The following SPRED2 variants were observed in gnomAD, a reference collection of about 807,000 sequenced individuals.
The protein encoded by SPRED2 is sprouty-related, EVH1 domain-containing protein 2.
A neutral mutation model predicts 43.0 loss-of-function variants in SPRED2; 47 were observed. The observed-to-expected ratio is 1.09, with a 90% confidence interval of 0.87 to 1.40. The LOEUF (loss-of-function observed/expected upper bound fraction) is 1.40. SPRED2 is among the 40% of genes most tolerant of loss of function. The pLI, the probability that SPRED2 is intolerant of heterozygous loss-of-function variation, is 0.00. For missense variants in SPRED2, 561 were observed against 586.4 expected (o/e 0.96, Z 0.45); for synonymous variants, 225 against 225.7 (o/e 1.00, Z 0.03).
rs1215797916 is a variant in SPRED2, at chr2:65,333,139, G to A, written c.374-1088C>T. 4.0e-5 allele frequency among the ~76,000 whole-genome samples: 6 copies of A among 151,740 alleles called. No homozygotes were observed. The South Asian group carries it at 1.2e-3, about 32-fold the overall frequency. On this transcript the variant is annotated intron_variant, in intron 3 of 5. Transcript: ENST00000356388. ...AAATTAGCTGGGTGTGATGGCGGGC[G>A]CCTGTAATCCTAGCTACTGGGGAGG...
intron 1 of SPRED2, among the ~76,000 whole-genome samples, chr2:65,431,216 TACAC>T (rs141740222): frequency 6.7e-6 from 1 of 150,150 alleles, no homozygotes. Context: ...GACACTCACA[TACAC>T]ACACACACAC....
At chr2:65,315,290 C>T (rs1017219034) in intron 5 of SPRED2, among the ~76,000 whole-genome samples, 1 of 152,020 alleles carries the variant, frequency 6.6e-6, no homozygotes, top group Non-Finnish European at 1.5e-5. Flanking sequence ...CCATTTCTGT[C>T]GAACTGCATA....
intron 4 of SPRED2, among the ~76,000 whole-genome samples, chr2:65,329,619 G>A (rs1673748284): frequency 6.6e-6 from 1 of 152,140 alleles, no homozygotes; most frequent in African/African-American, 2.4e-5. Flanking sequence ...AACCAGGAGG[G>A]ATTCTGGCTT....
At chr2:65,320,121 G>A (rs1483760941) in intron 4 of SPRED2, among the ~76,000 whole-genome samples, 1 of 152,190 alleles carries the variant, frequency 6.6e-6, no homozygotes, top group Non-Finnish European at 1.5e-5. Flanking sequence ...TCTCAAATGA[G>A]TAATCAGGGC....
intron 5 of SPRED2, among the ~76,000 whole-genome samples, 165 bp downstream of exon 5, chr2:65,316,569 G>A (rs540059999): frequency 3.3e-4 from 51 of 152,320 alleles, no homozygotes; most frequent in African/African-American, 1.2e-3. Context: ...ACTGGATGAG[G>A]CTGAGGTGCC....
At chr2:65,422,077 A>AACACACACAC (rs367817858) in intron 1 of SPRED2, among the ~76,000 whole-genome samples, 1,972 of 127,440 alleles carry the variant, frequency 0.015, 29 homozygotes, top group Admixed American at 0.048. Context: ...TTGTATGTAC[A>AACACACACAC]ACACACACAC....
intron 3 of SPRED2, 147 bp from the exon 4 acceptor site, chr2:65,332,198 C>G: frequency 1.9e-6 from 1 of 516,184 alleles, no homozygotes; most frequent in Non-Finnish European, 3.5e-6. Context: ...GAATTGAGTG[C>G]TTTTAATTTA....
intron 4 of SPRED2, among the ~76,000 whole-genome samples, chr2:65,326,446 C>T (rs984676944): frequency 2.6e-4 from 39 of 152,294 alleles, no homozygotes; most frequent in Middle Eastern, 3.4e-3. Context: ...TGAGGGCCTA[C>T]GTTGGTTCCA....
intron 1 of SPRED2, among the ~76,000 whole-genome samples, chr2:65,365,017 T>A (rs560468233): frequency 6.6e-6 from 1 of 152,188 alleles, no homozygotes; most frequent in Non-Finnish European, 1.5e-5. Context: ...CTTAAAAAAA[T>A]GTTGTTAATA....
At chr2:65,371,089 G>A (rs528723148) in intron 1 of SPRED2, among the ~76,000 whole-genome samples, 12 of 152,210 alleles carry the variant, frequency 7.9e-5, no homozygotes, top group Admixed American at 7.2e-4. Flanking sequence ...GTCGCTGCCC[G>A]TAAGAGCTCA....
At position 65,313,621 on chromosome 2, in the gene SPRED2, CATCCACCG is replaced by C; in HGVS notation, c.1129_1136del (p.Arg377GlyfsTer97). On this transcript the variant is annotated frameshift_variant, in exon 6 of 6. Transcript: ENST00000356388. LOFTEE classifies it high-confidence loss of function. Reference sequence around the variant, plus strand: ...CCAGGAAAGACAAGGCAATAAGAGCCATCCACCGGAGGCAAAACTTCTCGTCGCTAGTA... The same window carrying C: ...CCAGGAAAGACAAGGCAATAAGAGCCGAGGCAAAACTTCTCGTCGCTAGTA... 1 of 1,614,198 alleles carries C rather than the reference CATCCACCG, an allele frequency of 6.2e-7. No individual in the cohort carries two copies. The highest frequency in any genetic ancestry group is 8.5e-7 in the Non-Finnish European group (1 of 1,180,026).
At chr2:65,378,075 C>G (rs1180700623) in intron 1 of SPRED2, 9 of 188,548 alleles carry the variant, frequency 4.8e-5, no homozygotes, top group Non-Finnish European at 1.0e-4. Context: ...CAGTAAACAT[C>G]AGCTGAGCCA....
At chr2:65,329,923 T>C (rs1673759888) in intron 4 of SPRED2, among the ~76,000 whole-genome samples, 4 of 152,074 alleles carry the variant, frequency 2.6e-5, no homozygotes, top group Admixed American at 2.6e-4. Flanking sequence ...GCACACTCAG[T>C]TCAAGTCAGG....
At chr2:65,414,380 G>A (rs1178722407) in intron 1 of SPRED2, among the ~76,000 whole-genome samples, 1 of 152,054 alleles carries the variant, frequency 6.6e-6, no homozygotes, top group East Asian at 1.9e-4. Context: ...TATTCCTGCT[G>A]CCTTTGAGAA....
intron 1 of SPRED2, among the ~76,000 whole-genome samples, chr2:65,349,124 T>G (rs1405242087): frequency 6.6e-6 from 1 of 151,982 alleles, no homozygotes; most frequent in Non-Finnish European, 1.5e-5. Flanking sequence ...CTGGCCAACA[T>G]GGTGAAACCC....
At chr2:65,367,904 C>T (rs1219204507) in intron 1 of SPRED2, among the ~76,000 whole-genome samples, 1 of 151,996 alleles carries the variant, frequency 6.6e-6, no homozygotes, top group Non-Finnish European at 1.5e-5. Context: ...ACTTAATGTT[C>T]AAATTGGGTG....
intron 1 of SPRED2, among the ~76,000 whole-genome samples, chr2:65,366,164 A>G (rs2104329399): frequency 6.6e-6 from 1 of 152,316 alleles, no homozygotes; most frequent in Admixed American, 6.5e-5. Context: ...GTAACACAAT[A>G]GTAATTGTTA....
intron 2 of SPRED2, among the ~76,000 whole-genome samples, chr2:65,339,484 G>A (rs1380467791): frequency 1.3e-5 from 2 of 151,058 alleles, no homozygotes; most frequent in Non-Finnish European, 2.9e-5. Flanking sequence ...AATGGATTAA[G>A]GGCGGTGCAA....
At chr2:65,393,071 C>T (rs1272918611) in intron 1 of SPRED2, among the ~76,000 whole-genome samples, 2 of 152,166 alleles carry the variant, frequency 1.3e-5, no homozygotes, top group South Asian at 2.1e-4. Context: ...ATTTTTCTTA[C>T]AAAAAGTTGT....
Sources: allele counts gnomAD v4.1 joint callset (sites outside exome capture counted in the v4.1 genomes callset), GRCh38; gene constraint gnomAD v4.1.1; transcripts MANE v1.5; gene names NCBI Gene and HGNC (gene_info 2026-07-23, HGNC 2026-07-21).